The following BMPR1A variants were observed in gnomAD, a reference collection of about 807,000 sequenced individuals.
The protein encoded by BMPR1A is bone morphogenetic protein receptor type 1A.
Under a neutral mutation model 66.0 loss-of-function variants are expected in BMPR1A, and 7 were observed. That is an observed-to-expected ratio of 0.11 (90% CI 0.06 to 0.20). The LOEUF (loss-of-function observed/expected upper bound fraction) is 0.20. BMPR1A is among the 10% of genes least tolerant of loss of function. BMPR1A has a pLI of 1.00. For synonymous variants in BMPR1A, 200 were observed against 229.7 expected, an observed-to-expected ratio of 0.87 and a Z score of 1.17; for missense variants, 408 against 669.1, an observed-to-expected ratio of 0.61 and a Z score of 4.31.
At chr10:86,864,078 A>G (rs1842747999) in intron 2 of BMPR1A, among the ~76,000 whole-genome samples, 1 of 152,218 alleles carries the variant, frequency 6.6e-6, no homozygotes, top group South Asian at 2.1e-4. Context: ...TTAGATAGTA[A>G]TGAAGTATGA....
Position 86,758,836 on chromosome 10 carries a change from C to T in BMPR1A, c.-268+1917C>T, listed in dbSNP as rs11202164. Among the ~76,000 whole-genome samples the T allele has an allele frequency of 0.017, 2,544 of 152,240 alleles. 80 individuals carry two copies. Among genetic ancestry groups the T allele is most frequent in the African/African-American group, 0.058 (2,423 of 41,524 alleles). ...ACATTTAACTACCTTTTTCTAAGTC[C>T]TCTCCTTGAGTTTTCTGTAAGATTT... On this transcript the variant is annotated intron_variant, in intron 1 of 12. Coordinates refer to ENST00000372037, the MANE Select transcript of BMPR1A (RefSeq NM_004329.3).
rs1258823877 is a variant in BMPR1A, at chr10:86,924,568, G to T, written c.*849G>T. On this transcript the variant is annotated 3_prime_UTR_variant, in exon 13 of 13. Coordinates refer to ENST00000372037, the MANE Select transcript of BMPR1A (RefSeq NM_004329.3). ...GGAAAGCATCCTCTCCAAAGTTGGA[G>T]CTTCTATTGCCATGAACCATGCTTA... The T allele has an allele frequency of 4.3e-6, 1 of 233,414 alleles. No homozygotes were observed. The highest frequency in any genetic ancestry group is 2.2e-5 in the African/African-American group (1 of 45,370). 14.5% of individuals were successfully genotyped at this position (233,414 alleles called of 1,614,324 possible).
chr10:86,903,878 T>A lies in BMPR1A; in HGVS notation c.530+3752T>A, dbSNP rs1843347192. On this transcript the variant is annotated intron_variant, in intron 7 of 12. Transcript: ENST00000372037. Reference sequence around the variant, plus strand: ...GCCTTGGCCTCCCAAAGTGCTGGGATTACAGGCATGAGCCACCGTGCCCGG... The same window carrying A: ...GCCTTGGCCTCCCAAAGTGCTGGGAATACAGGCATGAGCCACCGTGCCCGG... Among the ~76,000 whole-genome samples the A allele has an allele frequency of 2.6e-5, 4 of 151,392 alleles. No individual in the cohort carries two copies. In the South Asian group the frequency reaches 6.3e-4, roughly 24 times the overall value.
intron 2 of BMPR1A, chr10:86,856,186 T>C (rs1049455227): frequency 2.3e-5 from 12 of 525,842 alleles, no homozygotes; most frequent in Admixed American, 2.0e-4. Context: ...AGTTTGACAA[T>C]AGAATGTTCA....
intron 2 of BMPR1A, among the ~76,000 whole-genome samples, chr10:86,845,125 C>T (rs1180674633): frequency 6.6e-6 from 1 of 152,158 alleles, no homozygotes; most frequent in Non-Finnish European, 1.5e-5. Context: ...TTGACTTTAC[C>T]ACTTAGTTTG....
intron 1 of BMPR1A, among the ~76,000 whole-genome samples, chr10:86,809,595 C>CTTTTTTTTTTTTTTT (rs71019431): frequency 8.1e-6 from 1 of 123,886 alleles, no homozygotes; most frequent in Non-Finnish European, 1.6e-5. Context: ...CACCCGACCT[C>CTTTTTTTTTTTTTTT]TTTTTTTTTT....
At chr10:86,819,662 T>C (rs923860644) in intron 1 of BMPR1A, among the ~76,000 whole-genome samples, 3 of 152,226 alleles carry the variant, frequency 2.0e-5, no homozygotes, top group East Asian at 1.9e-4. Context: ...GCTTGAAGCC[T>C]AGTGCTTCTT....
chr10:86,787,545 G>A (rs2132748875), intron 1 of BMPR1A, among the ~76,000 whole-genome samples: 1 of 152,268 alleles, frequency 6.6e-6, no homozygotes, highest in East Asian at 1.9e-4. Context: ...TAACCCTAAG[G>A]CTATAATGCT....
At position 86,927,713 on chromosome 10, in the gene BMPR1A, A is replaced by C. The variant is rs1843763113; in HGVS notation, c.*3994A>C. 5.0e-6 allele frequency: 1 copy of C among 199,200 alleles called. No homozygotes were observed. Among genetic ancestry groups the C allele is most frequent in the Non-Finnish European group, 1.0e-5 (1 of 96,650 alleles). The allele number at this position is 199,200 out of a possible 1,614,324, so 12.3% of individuals were successfully genotyped here. On this transcript the variant is annotated 3_prime_UTR_variant, in exon 13 of 13. Coordinates refer to ENST00000372037, the MANE Select transcript of BMPR1A (RefSeq NM_004329.3). ...AACTAAAATGTAGTATATATTGTAT[A>C]AAATGGAAATATCATTATTGCTTCA...
chr10:86,816,773 A>G (rs1277279560), intron 1 of BMPR1A, among the ~76,000 whole-genome samples: 1 of 152,232 alleles, frequency 6.6e-6, no homozygotes, highest in Non-Finnish European at 1.5e-5. Flanking sequence ...ACCCTGCAGT[A>G]AAGCCTGCTA....
At position 86,925,645 on chromosome 10, in the gene BMPR1A, C is replaced by A; in HGVS notation, c.*1926C>A. ...TCTGCGTTGCCGTATGATATGATTG[C>A]ACTTAGAACACCCAATTTACTTAAA... On this transcript the variant is annotated 3_prime_UTR_variant, in exon 13 of 13. Transcript: ENST00000372037. 1 of 193,650 alleles carries A rather than the reference C, an allele frequency of 5.2e-6. No individual in the cohort carries two copies. The highest frequency in any genetic ancestry group is 1.1e-5 in the Non-Finnish European group (1 of 93,332). 12.0% of individuals were successfully genotyped at this position (193,650 alleles called of 1,614,324 possible). A position where few individuals can be genotyped will look rare whatever the true frequency, so the allele number is the denominator to read the frequency against.
intron 2 of BMPR1A, among the ~76,000 whole-genome samples, chr10:86,872,089 C>G (rs1842861525): frequency 6.6e-6 from 1 of 152,190 alleles, no homozygotes; most frequent in South Asian, 2.1e-4. Context: ...TAGGAGTTGT[C>G]ATCAATACCA....
chr10:86,921,848 A>G (rs1389711246), intron 11 of BMPR1A, among the ~76,000 whole-genome samples, 153 bp downstream of exon 11: 1 of 152,248 alleles, frequency 6.6e-6, no homozygotes, highest in African/African-American at 2.4e-5. Flanking sequence ...CAGGCATGCC[A>G]TGTGTAATAA....
At chr10:86,868,778 G>GTGTTTTTTTTTTTTTTTTTTTTTTT (rs572972222) in intron 2 of BMPR1A, among the ~76,000 whole-genome samples, 1 of 141,046 alleles carries the variant, frequency 7.1e-6, no homozygotes, top group African/African-American at 2.6e-5. Context: ...CTTTTCCTGT[G>GTGTTTTTTTTTTTTTTTTTTTTTTT]TTTTTTTTTT....
intron 3 of BMPR1A, chr10:86,889,706 T>G (rs907673630): frequency 4.3e-5 from 11 of 253,018 alleles, no homozygotes; most frequent in Non-Finnish European, 6.9e-5. Flanking sequence ...ATTGTGGTGG[T>G]GGGGGACTGC....
chr10:86,865,827 C>T (rs898344372), intron 2 of BMPR1A, among the ~76,000 whole-genome samples: 3 of 152,174 alleles, frequency 2.0e-5, no homozygotes, highest in Non-Finnish European at 4.4e-5. Flanking sequence ...AAAAAGTCAC[C>T]TACATATTTT....
At chr10:86,787,235 A>G (rs942415035) in intron 1 of BMPR1A, among the ~76,000 whole-genome samples, 10 of 152,040 alleles carry the variant, frequency 6.6e-5, no homozygotes, top group Non-Finnish European at 7.4e-5. Context: ...TTAGCATTTA[A>G]TAGACCAGGA....
chr10:86,902,988 G>A (rs1178061272), intron 7 of BMPR1A, among the ~76,000 whole-genome samples: 1 of 152,136 alleles, frequency 6.6e-6, no homozygotes, highest in Non-Finnish European at 1.5e-5. Flanking sequence ...CAGTGGTGGG[G>A]AATAATTAGC....
intron 1 of BMPR1A, among the ~76,000 whole-genome samples, chr10:86,758,651 G>A (rs145318606): frequency 3.4e-4 from 52 of 152,230 alleles, no homozygotes; most frequent in African/African-American, 7.9e-4. Context: ...GCGAACTAGC[G>A]CAACATTGAA....
Sources: allele counts gnomAD v4.1 joint callset (sites outside exome capture counted in the v4.1 genomes callset), GRCh38; gene constraint gnomAD v4.1.1; transcripts MANE v1.5; gene names NCBI Gene and HGNC (gene_info 2026-07-23, HGNC 2026-07-21).